The following ADGRF5 variants were observed in gnomAD, a reference collection of about 807,000 sequenced individuals.
ADGRF5 encodes adhesion G protein-coupled receptor F5, also known as G-protein coupled receptor 116.
Under a neutral mutation model 132.3 loss-of-function variants are expected in ADGRF5, and 75 were observed. The observed-to-expected ratio is 0.57, with a 90% CI of 0.47 to 0.69. ADGRF5 has a LOEUF of 0.69. Among genes scored for constraint, ADGRF5 ranks in the 30% least tolerant of loss-of-function variants. The pLI, the probability that ADGRF5 is intolerant of heterozygous loss-of-function variation, is 0.00. For missense variants in ADGRF5, 1,516 were observed against 1,630.6 expected (o/e 0.93, Z 1.21); for synonymous variants, 629 against 597.6 (o/e 1.05, Z -0.77).
At chr6:46,917,691 C>A (rs1036908157) in intron 1 of ADGRF5, among the ~76,000 whole-genome samples, 12 of 152,172 alleles carry the variant, frequency 7.9e-5, no homozygotes, top group African/African-American at 2.7e-4. Flanking sequence ...CCACAGGCCC[C>A]TGTGTGTGAT....
chr6:46,883,679 CA>C lies in ADGRF5; in HGVS notation c.506-15del, dbSNP rs1217167493. 2 of 1,315,270 alleles carry C rather than the reference CA, an allele frequency of 1.5e-6. No homozygotes were observed. The highest frequency in any genetic ancestry group is 2.2e-6 in the Non-Finnish European group (2 of 929,084). 81.5% of individuals were successfully genotyped at this position (1,315,270 alleles called of 1,614,324 possible). A position where few individuals can be genotyped will look rare whatever the true frequency, so the allele number is the denominator to read the frequency against. On this transcript the variant is annotated splice_polypyrimidine_tract_variant and intron_variant, in intron 5 of 20. Transcript: ENST00000283296. ...TCAGGGTAACATCTGTTGAAAAACA[CA>C]GGGCAATATTTAAAAATATGTTAAT...
rs1159501495 is a variant in ADGRF5 at position 46,951,695 on chromosome 6, C to T, written c.-25+3039G>A. On this transcript the variant is annotated intron_variant, in intron 1 of 20. Transcript: ENST00000265417. ...CCTGGCTGCTTTCCTAAAGCAGGGA[C>T]TGCTTAATGGAGGCCTTTCCTCCCT... Among the ~76,000 whole-genome samples, 3 of 152,202 alleles carry T rather than the reference C, an allele frequency of 2.0e-5. No individual in the cohort carries two copies. The East Asian group carries it at 5.8e-4, about 29-fold the overall frequency.
chr6:46,886,297 G>A (rs1773063426), intron 4 of ADGRF5, among the ~76,000 whole-genome samples: 1 of 152,310 alleles, frequency 6.6e-6, no homozygotes, highest in Middle Eastern at 3.4e-3. Context: ...GTGGCAGTGG[G>A]GCAGGAGAAT....
At position 46,878,218 on chromosome 6, in the gene ADGRF5, T is replaced by C; in HGVS notation, c.1224A>G (p.Gly408=). The change falls in exon 10 of 21, where the codon GGA becomes GGG. Residue 408 remains glycine (G), a synonymous_variant. Coordinates refer to ENST00000283296, the MANE Select transcript of ADGRF5 (RefSeq NM_001098518.2). Reference sequence around the variant, plus strand: ...CATTCTCACCTGGAATATTTATTTTTCCTTCCTGCTTCCATTCTACTTTGC... The same window carrying C: ...CATTCTCACCTGGAATATTTATTTTCCCTTCCTGCTTCCATTCTACTTTGC... ...NWSKVEWKQE[G]KINIPGTPET... 6.2e-7 allele frequency: 1 copy of C among 1,610,900 alleles called. No individual in the cohort carries two copies. The highest frequency in any genetic ancestry group is 8.5e-7 in the Non-Finnish European group (1 of 1,177,056).
At chr6:46,902,314 A>C (rs1292003279) in intron 2 of ADGRF5, among the ~76,000 whole-genome samples, 1 of 152,154 alleles carries the variant, frequency 6.6e-6, no homozygotes, top group Non-Finnish European at 1.5e-5. Context: ...GGCAACAGTT[A>C]GGGGACTCAG....
chr6:46,856,025 A>C lies in ADGRF5; in HGVS notation c.3910T>G (p.Ser1304Ala). The change falls in exon 20 of 21, where the codon TCT becomes GCT. Residue 1304 changes from serine (S) to alanine (A), a missense_variant. Around this residue, in one of 2 missense-constraint regions of ADGRF5, gnomAD observed 571 missense variants for 701.2 expected, o/e 0.81. Transcript: ENST00000283296. Reference protein sequence around the residue: ...TSLGSSTPVFSMSSPISRRFN... With the variant: ...TSLGSSTPVFAMSSPISRRFN... ...CTCCTTGATATTGGAGAACTCATAGAAAACACAGGTGTGGATGAACCCAGG... is the reference window on the plus strand; with the variant it reads ...CTCCTTGATATTGGAGAACTCATAGCAAACACAGGTGTGGATGAACCCAGG... 1 of 1,603,834 alleles carries C rather than the reference A, an allele frequency of 6.2e-7. No individual in the cohort carries two copies. Among genetic ancestry groups the C allele is most frequent in the Non-Finnish European group, 8.5e-7 (1 of 1,172,746 alleles).
rs1769366935 is a variant in ADGRF5 at position 46,858,847 on chromosome 6, C to T, written c.3056G>A (p.Gly1019Glu). 1 of 1,614,068 alleles carries T rather than the reference C, an allele frequency of 6.2e-7. No individual in the cohort carries two copies. The highest frequency in any genetic ancestry group is 8.5e-7 in the Non-Finnish European group (1 of 1,179,956). ...GILLDIISYVGVGFSILSLAA... is the reference protein window; with the variant it reads ...GILLDIISYVEVGFSILSLAA... The stretch of plus-strand genomic sequence containing the variant: ...CAAGCTCAAGATGGAAAAGCCCACC[C>T]CAACATAAGAAATAATATCCAGGAG... Residue 1019 changes from glycine to glutamate, a missense_variant, in exon 17 of 21, where the codon GGG becomes GAG. This residue lies in a region of ADGRF5 where 571 missense variants were observed against 701.2 expected (regional missense o/e 0.81). Coordinates refer to ENST00000283296, the MANE Select transcript of ADGRF5 (RefSeq NM_001098518.2).
In ADGRF5 at chr6:46,888,498, T is replaced by C. The variant is rs1773287292; in HGVS notation, c.165A>G (p.Thr55=). 1.2e-6 allele frequency: 2 copies of C among 1,611,754 alleles called. No homozygotes were observed. The highest frequency in any genetic ancestry group is 1.7e-6 in the Non-Finnish European group (2 of 1,177,896). ...TGTATTCTTCAGCCGTAGGACTTTT[T>C]GTGGCAACTGCAATGAAAGCACATG... ...EALRQKRAVA[T]KSPTAEEYTV... The change falls in exon 4 of 21, where the codon ACA becomes ACG. Residue 55 remains threonine, a synonymous_variant. Transcript: ENST00000283296.
At chr6:46,889,554 G>A (rs200786088) in intron 3 of ADGRF5, among the ~76,000 whole-genome samples, 6 of 110,238 alleles carry the variant, frequency 5.4e-5, no homozygotes, top group South Asian at 3.0e-4. Flanking sequence ...ATATATATAT[G>A]TGTGTGTGTG....
In ADGRF5 at chr6:46,853,326, C is replaced by G. The variant is rs1768684186; in HGVS notation, c.*666G>C. On this transcript the variant is annotated 3_prime_UTR_variant, in exon 21 of 21. Transcript: ENST00000283296. ...TCCCTATTTTTTCAGCCTTTTTTTC[C>G]TCCTCTTAGCTAAGAAGACATCAGG... 1 of 150,896 alleles carries G rather than the reference C, an allele frequency of 6.6e-6. No individual in the cohort carries two copies. Among genetic ancestry groups the G allele is most frequent in the South Asian group, 2.1e-4 (1 of 4,796 alleles). 9.3% of individuals were successfully genotyped at this position (150,896 alleles called of 1,614,324 possible). A position where few individuals can be genotyped will look rare whatever the true frequency, so the allele number is the denominator to read the frequency against.
At chr6:46,910,870 G>T (rs78925601) in intron 1 of ADGRF5, among the ~76,000 whole-genome samples, 2,610 of 152,226 alleles carry the variant, frequency 0.017, 82 homozygotes, top group African/African-American at 0.06. Context: ...CCAGGGATTT[G>T]ACTGCACTCA....
At chr6:46,859,817 C>T (rs1407227955) in intron 16 of ADGRF5, among the ~76,000 whole-genome samples, 6 of 146,074 alleles carry the variant, frequency 4.1e-5, no homozygotes, top group Non-Finnish European at 6.0e-5. Context: ...GGGATATTTA[C>T]TATTTTATTT....
chr6:46,939,347 G>C (rs995045567), intron 1 of ADGRF5, among the ~76,000 whole-genome samples: 1 of 152,166 alleles, frequency 6.6e-6, no homozygotes. Flanking sequence ...CTCAAGGTGG[G>C]CTCAAGGTGT....
chr6:46,873,071 G>A (rs768512758), intron 10 of ADGRF5, among the ~76,000 whole-genome samples: 4 of 151,950 alleles, frequency 2.6e-5, no homozygotes, highest in Non-Finnish European at 5.9e-5. Context: ...GGCTCACCCC[G>A]CCACTTATCT....
chr6:46,873,399 C>T (rs1771301458), intron 10 of ADGRF5, among the ~76,000 whole-genome samples: 1 of 152,160 alleles, frequency 6.6e-6, no homozygotes, highest in African/African-American at 2.4e-5. Flanking sequence ...ACAGTGACCT[C>T]CCCTTTCCCG....
intron 1 of ADGRF5, among the ~76,000 whole-genome samples, chr6:46,918,987 C>T (rs1259356263): frequency 3.3e-5 from 5 of 152,138 alleles, no homozygotes; most frequent in Non-Finnish European, 7.3e-5. Flanking sequence ...TGCCCTGGCC[C>T]CATCCTCAGA....
intron 1 of ADGRF5, among the ~76,000 whole-genome samples, chr6:46,916,153 G>C (rs909135835): frequency 2.0e-5 from 3 of 152,198 alleles, no homozygotes; most frequent in Admixed American, 6.5e-5. Flanking sequence ...AGAATTCCCA[G>C]AACTGTATTT....
At chr6:46,876,393 C>T (rs552795260) in intron 10 of ADGRF5, among the ~76,000 whole-genome samples, 2 of 152,346 alleles carry the variant, frequency 1.3e-5, no homozygotes, top group East Asian at 1.9e-4. Context: ...TTGTGCAAGG[C>T]CTTTCTTCCA....
chr6:46,939,450 T>A (rs1777973358), intron 1 of ADGRF5, among the ~76,000 whole-genome samples: 1 of 152,188 alleles, frequency 6.6e-6, no homozygotes, highest in African/African-American at 2.4e-5. Flanking sequence ...CAAATTAGTA[T>A]ATGTGACTTC....
Sources: allele counts gnomAD v4.1 joint callset (sites outside exome capture counted in the v4.1 genomes callset), GRCh38; gene constraint gnomAD v4.1.1; regional missense constraint gnomAD v4.1.1; transcripts MANE v1.5; gene names NCBI Gene and HGNC (gene_info 2026-07-23, HGNC 2026-07-21).